The following TRIM34 variants were observed in gnomAD, a reference collection of about 807,000 sequenced individuals.
The protein encoded by TRIM34 is tripartite motif containing 34.
In TRIM34, 41 loss-of-function variants were observed where a neutral mutation model predicts 38.1. The ratio of observed to expected loss-of-function variants is 1.08; its 90% CI spans 0.84 to 1.40. The LOEUF (loss-of-function observed/expected upper bound fraction) is 1.40, where lower values mean the gene tolerates loss of function less well. TRIM34 is among the 40% of genes most tolerant of loss of function. The pLI is 0.00. For synonymous variants in TRIM34, 200 were observed against 202.5 expected (o/e 0.99, Z 0.10); for missense variants, 556 against 571.4 (o/e 0.97, Z 0.27).
At chr11:5,642,616 A>G in intron 6 of TRIM34, 110 bp downstream of exon 6, 2 of 1,430,208 alleles carry the variant, frequency 1.4e-6, no homozygotes, top group South Asian at 2.8e-5. Context: ...GAGGGAGGTC[A>G]GAGAATAAGG....
chr11:5,642,700 C>A (rs1850065396), intron 6 of TRIM34, 117 bp from the exon 7 acceptor site: 1 of 1,456,300 alleles, frequency 6.9e-7, no homozygotes, highest in Non-Finnish European at 9.3e-7. Context: ...CTTTTTAATT[C>A]ACTAGCTCAC....
chr11:5,624,410 G>A (rs944844701), upstream of TRIM34, among the ~76,000 whole-genome samples: 18 of 152,040 alleles, frequency 1.2e-4, no homozygotes, highest in African/African-American at 2.9e-4. Context: ...CCACCTCTCC[G>A]CCACCCATCC....
intron 2 of TRIM34, 24 bp downstream of exon 2, chr11:5,632,778 T>TG (rs762430498): frequency 6.5e-7 from 1 of 1,547,646 alleles, no homozygotes; most frequent in Non-Finnish European, 8.7e-7. Flanking sequence ...TGGAGGGAGA[T>TG]GGGGCAGAAG....
intron 1 of TRIM34, chr11:5,626,613 T>G (rs1849248307): frequency 6.6e-6 from 1 of 152,088 alleles, no homozygotes; most frequent in African/African-American, 2.4e-5. Flanking sequence ...GGCGCGGTGG[T>G]TCACGCTTGT....
intron 1 of TRIM34, among the ~76,000 whole-genome samples, chr11:5,628,066 C>T (rs1056312701): frequency 1.3e-5 from 2 of 152,212 alleles, no homozygotes; most frequent in African/African-American, 2.4e-5. Flanking sequence ...CTGACTGCTG[C>T]TGGGCTTGAG....
rs140407780 is a variant in TRIM34 at position 5,643,739 on chromosome 11, T to C, written c.*30T>C. 6.5e-7 allele frequency: 1 copy of C among 1,541,844 alleles called. No individual in the cohort carries two copies. The highest frequency in any genetic ancestry group is 2.2e-5 in the East Asian group (1 of 44,466). On this transcript the variant is annotated 3_prime_UTR_variant, in exon 8 of 8. Transcript: ENST00000429814. ...TCTCATTTCTTCACCTACAACCCTT[T>C]GTCTTGACTTATCTCCTGCAACTGA...
chr11:5,623,031 A>G (rs1252448753), upstream of TRIM34, among the ~76,000 whole-genome samples: 1 of 152,094 alleles, frequency 6.6e-6, no homozygotes, highest in Non-Finnish European at 1.5e-5. Flanking sequence ...GCATTAAGCA[A>G]TAGGGCAAAG....
At chr11:5,629,106 G>A (rs1469929731) in intron 1 of TRIM34, among the ~76,000 whole-genome samples, 5 of 152,052 alleles carry the variant, frequency 3.3e-5, no homozygotes, top group South Asian at 2.1e-4. Flanking sequence ...GTGAAACCCC[G>A]TCTCTACTAA....
chr11:5,624,383 A>G (rs920588137), upstream of TRIM34, among the ~76,000 whole-genome samples: 6 of 152,194 alleles, frequency 3.9e-5, no homozygotes, highest in Non-Finnish European at 7.3e-5. Flanking sequence ...TTTGTAGCCA[A>G]CTTTTCTCAG....
At chr11:5,621,751 G>A (rs972754821), upstream of TRIM34, among the ~76,000 whole-genome samples, 4 of 152,266 alleles carry the variant, frequency 2.6e-5, no homozygotes, top group Non-Finnish European at 5.9e-5. Context: ...ATGCCTATCT[G>A]ATTGACTCCT....
At chr11:5,620,770 T>C (rs1427783057), upstream of TRIM34, among the ~76,000 whole-genome samples, 2 of 152,140 alleles carry the variant, frequency 1.3e-5, no homozygotes, top group Non-Finnish European at 2.9e-5. Flanking sequence ...AGCTTCTTCT[T>C]TCCATTAAGT....
chr11:5,631,723 T>C (rs1019981835), intron 1 of TRIM34, among the ~76,000 whole-genome samples: 4 of 152,134 alleles, frequency 2.6e-5, no homozygotes, highest in Non-Finnish European at 2.9e-5. Context: ...AATGAAACAA[T>C]GATAAAGTTT....
intron 2 of TRIM34, 77 bp from the exon 3 acceptor site, chr11:5,633,727 A>AT: frequency 2.1e-6 from 3 of 1,434,650 alleles, no homozygotes; most frequent in South Asian, 1.4e-5. Context: ...GATCAACTTG[A>AT]TTTTTTCCCT....
At chr11:5,637,930 T>C (rs1290598408) in intron 4 of TRIM34, among the ~76,000 whole-genome samples, 3 of 152,234 alleles carry the variant, frequency 2.0e-5, no homozygotes, top group Non-Finnish European at 2.9e-5. Flanking sequence ...GTTTCGTCAA[T>C]ATCCATTCCC....
At position 5,634,624 on chromosome 11, in the gene TRIM34, C is replaced by T; in HGVS notation, c.520-7C>T. ...TTACTACAACTCTCTCTTGTCCATCCTTGCAGTATCAGGTACAAACTGAGA... is the reference window on the plus strand; with the variant it reads ...TTACTACAACTCTCTCTTGTCCATCTTTGCAGTATCAGGTACAAACTGAGA... On this transcript the variant is annotated splice_region_variant and splice_polypyrimidine_tract_variant and intron_variant, in intron 3 of 7. Coordinates refer to ENST00000429814, the MANE Select transcript of TRIM34 (RefSeq NM_021616.6). 2 of 1,608,182 alleles carry T rather than the reference C, an allele frequency of 1.2e-6. No individual in the cohort carries two copies. Among genetic ancestry groups the T allele is most frequent in the Non-Finnish European group, 1.7e-6 (2 of 1,176,664 alleles).
chr11:5,634,948 G>T, intron 4 of TRIM34, 87 bp downstream of exon 4: 1 of 1,450,810 alleles, frequency 6.9e-7, no homozygotes, highest in Non-Finnish European at 9.2e-7. Context: ...ACACTAAGGG[G>T]TTTCTTTGGC....
intron 4 of TRIM34, among the ~76,000 whole-genome samples, chr11:5,638,756 TG>T: frequency 6.6e-6 from 1 of 152,346 alleles, no homozygotes; most frequent in Admixed American, 6.5e-5. Context: ...CTTTGTGGAA[TG>T]TAGTATTGTA....
chr11:5,632,351 T>C lies in TRIM34; in HGVS notation c.20T>C (p.Leu7Pro). The C allele has an allele frequency of 6.2e-7, 1 of 1,614,106 alleles. No homozygotes were observed. The highest frequency in any genetic ancestry group is 8.5e-7 in the Non-Finnish European group (1 of 1,180,018). Residue 7 changes from leucine to proline, a missense_variant, in exon 2 of 8, where the codon CTT becomes CCT. By Grantham distance (98) the Leu-to-Pro change is moderately conservative. Coordinates refer to ENST00000429814, the MANE Select transcript of TRIM34 (RefSeq NM_021616.6). MASKIL[L>P]NVQEEVTCPI... ...AGTGCAATGGCTTCAAAAATCTTGC[T>C]TAACGTACAAGAGGAGGTGACCTGT...
Position 5,642,406 on chromosome 11 carries a change from G to T in TRIM34, c.774G>T (p.Trp258Cys). Residue 258 changes from tryptophan (W) to cysteine (C), a missense_variant and splice_region_variant, in exon 6 of 8, where the codon TGG (tryptophan) becomes TGT (cysteine). Transcript: ENST00000429814. ...LLQDMSGIMK[W>C]SEIWRLKKPK... Reference sequence around the variant, plus strand: ...GTCAAAAAATTTTTTTCATCCCTAGGAGTGAGATCTGGAGGCTGAAAAAGC... The same window carrying T: ...GTCAAAAAATTTTTTTCATCCCTAGTAGTGAGATCTGGAGGCTGAAAAAGC... The T allele has an allele frequency of 1.2e-6, 2 of 1,612,576 alleles. No individual in the cohort carries two copies. Among genetic ancestry groups the T allele is most frequent in the Non-Finnish European group, 1.7e-6 (2 of 1,179,838 alleles).
Sources: allele counts gnomAD v4.1 joint callset (sites outside exome capture counted in the v4.1 genomes callset), GRCh38; gene constraint gnomAD v4.1.1; transcripts MANE v1.5; gene names NCBI Gene and HGNC (gene_info 2026-07-23, HGNC 2026-07-21).